ZNF385D: variants seen among roughly 807,000 people sequenced by gnomAD.
The protein encoded by ZNF385D is zinc finger protein 659.
In ZNF385D, 15 loss-of-function variants were observed where a neutral mutation model predicts 35.8. The observed-to-expected ratio is 0.42, with a 90% CI of 0.28 to 0.64. The LOEUF is 0.64. Ranked by LOEUF, ZNF385D falls within the 30% of genes least tolerant of loss-of-function variation. The pLI, the probability that ZNF385D is intolerant of heterozygous loss-of-function variation, is 0.23. For missense variants in ZNF385D, 474 were observed against 494.6 expected, an observed-to-expected ratio of 0.96 and a Z score of 0.39; for synonymous variants, 212 against 186.8, an observed-to-expected ratio of 1.13 and a Z score of -1.10.
In ZNF385D at chr3:22,180,914, C is replaced by CTT. The variant is rs61668943; in HGVS notation, c.107-11881_107-11880dup. ...AATCCAGTAGCTATATGCTTTTGTT[C>CTT]TTTTTTTTTTTTTTTTAAGAGACAG... On this transcript the variant is annotated intron_variant, in intron 2 of 5. Coordinates refer to the ZNF385D transcript ENST00000494108. Among the ~76,000 whole-genome samples the CTT allele has an allele frequency of 1.9e-3, 219 of 112,964 alleles. 10 individuals carry two copies. In the East Asian group the frequency reaches 0.035, roughly 18 times the overall value. 74.1% of individuals were successfully genotyped at this position (112,964 alleles called of 152,430 possible). A position where few individuals can be genotyped will look rare whatever the true frequency, so the allele number is the denominator to read the frequency against.
At chr3:22,060,950 A>G (rs1002237828) in intron 3 of ZNF385D, among the ~76,000 whole-genome samples, 1 of 152,126 alleles carries the variant, frequency 6.6e-6, no homozygotes, top group Admixed American at 6.5e-5. Flanking sequence ...TTCATATCAA[A>G]TTAAAATTAA....
rs773952386 is a variant in ZNF385D at position 22,008,360 on chromosome 3, C to CATTTTTTTTTTTTT, written c.325+160456_325+160457insAAAAAAAAAAAAAT. Among the ~76,000 whole-genome samples, 1,049 of 131,794 alleles carry CATTTTTTTTTTTTT rather than the reference C, an allele frequency of 8.0e-3. 147 individuals are homozygous for CATTTTTTTTTTTTT. Among genetic ancestry groups the CATTTTTTTTTTTTT allele is most frequent in the South Asian group, 0.034 (139 of 4,130 alleles). 86.5% of individuals were successfully genotyped at this position (131,794 alleles called of 152,430 possible). A position where few individuals can be genotyped will look rare whatever the true frequency, so the allele number is the denominator to read the frequency against. On this transcript the variant is annotated intron_variant, in intron 3 of 5. Transcript: ENST00000494108. ...TCACTTTCATACAGGCCATGATTTTCTTTTTTTTTTTTGAGGCGGAGTCTC... is the reference window on the plus strand; with the variant it reads ...TCACTTTCATACAGGCCATGATTTTCATTTTTTTTTTTTTTTTTTTTTTTTTGAGGCGGAGTCTC...
chr3:21,946,224 A>G (rs1417408732), intron 3 of ZNF385D, among the ~76,000 whole-genome samples: 3 of 152,148 alleles, frequency 2.0e-5, no homozygotes, highest in Non-Finnish European at 2.9e-5. Flanking sequence ...AACCATTTCC[A>G]TCCTCTATTT....
At chr3:21,755,986 A>G (rs73822052), upstream of ZNF385D, among the ~76,000 whole-genome samples, 2 of 152,194 alleles carry the variant, frequency 1.3e-5, no homozygotes, top group African/African-American at 4.8e-5. Context: ...GGTAAGATGG[A>G]GCCAAATTCA....
intron 2 of ZNF385D, among the ~76,000 whole-genome samples, chr3:22,213,881 T>G (rs1697684345): frequency 6.6e-6 from 1 of 152,012 alleles, no homozygotes; most frequent in Non-Finnish European, 1.5e-5. Context: ...CTCTCCTTCT[T>G]AAGGAGAGAA....
At chr3:21,585,106 A>G (rs1002080061) in intron 2 of ZNF385D, among the ~76,000 whole-genome samples, 2 of 152,190 alleles carry the variant, frequency 1.3e-5, no homozygotes, top group Non-Finnish European at 2.9e-5. Context: ...TTAAATAACA[A>G]ATCTAAAGAA....
At chr3:21,566,029 C>CTTCT (rs1269814729) in intron 2 of ZNF385D, among the ~76,000 whole-genome samples, 2 of 152,166 alleles carry the variant, frequency 1.3e-5, no homozygotes, top group Admixed American at 1.3e-4. Context: ...AAGTTTCTGA[C>CTTCT]TTCTTTGTAT....
At chr3:21,920,034 A>G (rs960754533) in intron 3 of ZNF385D, among the ~76,000 whole-genome samples, 2 of 152,214 alleles carry the variant, frequency 1.3e-5, no homozygotes, top group Non-Finnish European at 2.9e-5. Flanking sequence ...GGTTGAGAAA[A>G]TATGTTCTGA....
intron 3 of ZNF385D, among the ~76,000 whole-genome samples, chr3:22,145,736 A>G (rs555368142): frequency 1.3e-5 from 2 of 152,164 alleles, no homozygotes; most frequent in African/African-American, 2.4e-5. Flanking sequence ...AGATTTAACT[A>G]TTCTGTATTT....
intron 1 of ZNF385D, among the ~76,000 whole-genome samples, chr3:21,728,907 T>C (rs996193089): frequency 6.6e-6 from 1 of 152,192 alleles, no homozygotes; most frequent in African/African-American, 2.4e-5. Flanking sequence ...AAAATGTAAA[T>C]TATTTGAGCA....
At chr3:22,011,884 A>G (rs1017596044) in intron 3 of ZNF385D, among the ~76,000 whole-genome samples, 2 of 152,154 alleles carry the variant, frequency 1.3e-5, no homozygotes, top group Non-Finnish European at 2.9e-5. Flanking sequence ...TACATACTGC[A>G]TATAGTAGCA....
intron 2 of ZNF385D, among the ~76,000 whole-genome samples, chr3:22,170,359 C>T (rs1694327625): frequency 6.6e-6 from 1 of 152,076 alleles, no homozygotes; most frequent in Non-Finnish European, 1.5e-5. Context: ...ATGTTTTTAA[C>T]AACATGTAAG....
chr3:21,644,724 C>A lies in ZNF385D; in HGVS notation c.165+20162G>T, dbSNP rs114066455. 2.8e-3 allele frequency among the ~76,000 whole-genome samples: 432 copies of A among 152,070 alleles called. 1 individual carries two copies. Among genetic ancestry groups the A allele is most frequent in the African/African-American group, 0.01 (420 of 41,506 alleles). On this transcript the variant is annotated intron_variant, in intron 2 of 7. Transcript: ENST00000281523. The stretch of plus-strand genomic sequence containing the variant: ...GGCTCAAAATAATAGACATTAAGTT[C>A]GGTTTGAAGAAAAAAAAGTAAATTT...
chr3:21,984,913 A>C (rs201767723), intron 3 of ZNF385D, among the ~76,000 whole-genome samples: 1 of 140,682 alleles, frequency 7.1e-6, no homozygotes, highest in South Asian at 2.7e-4. Context: ...TAGGTATTTT[A>C]TTGTCTTTGA....
chr3:21,630,931 T>C (rs1290662102), intron 2 of ZNF385D, among the ~76,000 whole-genome samples: 1 of 152,072 alleles, frequency 6.6e-6, no homozygotes, highest in African/African-American at 2.4e-5. Context: ...GTCCACATAA[T>C]TAGTAGGAGG....
intron 4 of ZNF385D, among the ~76,000 whole-genome samples, chr3:21,468,962 A>G (rs574004196): frequency 6.6e-6 from 1 of 152,238 alleles, no homozygotes; most frequent in South Asian, 2.1e-4. Flanking sequence ...TTCCATTTAT[A>G]TTACATTCTA....
intron 3 of ZNF385D, among the ~76,000 whole-genome samples, chr3:21,921,121 G>T (rs1407911338): frequency 6.6e-6 from 1 of 150,958 alleles, no homozygotes; most frequent in Non-Finnish European, 1.5e-5. Flanking sequence ...TACTCGGGAG[G>T]CTGAGGCAGG....
At chr3:21,908,517 C>T (rs1559744016) in intron 3 of ZNF385D, among the ~76,000 whole-genome samples, 1 of 152,048 alleles carries the variant, frequency 6.6e-6, no homozygotes, top group African/African-American at 2.4e-5. Flanking sequence ...ATTGGAAACA[C>T]TGTAACAGGC....
intron 2 of ZNF385D, among the ~76,000 whole-genome samples, chr3:21,653,559 A>G (rs964145853): frequency 6.6e-6 from 1 of 152,110 alleles, no homozygotes; most frequent in African/African-American, 2.4e-5. Context: ...CTCTAAAATT[A>G]TAAAATTTTC....
Sources: gnomAD v4.1 joint callset for allele counts (sites outside exome capture counted in the v4.1 genomes callset) on GRCh38, gnomAD v4.1.1 for gene constraint, MANE v1.5 for transcripts, NCBI Gene and HGNC (gene_info 2026-07-23, HGNC 2026-07-21) for gene names.